Variants in UGP2 observed in about 807,000 individuals in gnomAD.
The protein encoded by UGP2 is UTP--glucose-1-phosphate uridylyltransferase.
UGP2 carries 40 observed loss-of-function variants against 49.0 expected under a neutral mutation model. The ratio of observed to expected loss-of-function variants is 0.82; its 90% CI spans 0.63 to 1.06. UGP2 has a LOEUF of 1.06. UGP2 is among the 50% of genes least tolerant of loss of function. UGP2 has a pLI of 0.00. For missense variants in UGP2, 460 were observed against 603.5 expected (o/e 0.76, Z 2.49); for synonymous variants, 225 against 213.0 (o/e 1.06, Z -0.49).
At chr2:63,846,173 A>T (rs1671918713) in intron 1 of UGP2, 1 of 152,116 alleles carries the variant, frequency 6.6e-6, no homozygotes, top group African/African-American at 2.4e-5. Context: ...TTCTAAATGG[A>T]TGTGAGTACC....
intron 1 of UGP2, among the ~76,000 whole-genome samples, chr2:63,853,157 G>A (rs1052115330): frequency 6.6e-6 from 1 of 151,984 alleles, no homozygotes; most frequent in Admixed American, 6.6e-5. Context: ...TGGTCAGAGA[G>A]GTAAGAAAAG....
intron 1 of UGP2, chr2:63,855,636 G>T (rs1055866044): frequency 4.6e-6 from 2 of 430,636 alleles, no homozygotes; most frequent in Admixed American, 5.1e-5. Flanking sequence ...CTGCCTCCTC[G>T]GCTCAAGGTA....
chr2:63,861,897 T>C (rs1307394727), intron 3 of UGP2, among the ~76,000 whole-genome samples: 1 of 152,086 alleles, frequency 6.6e-6, no homozygotes, highest in Non-Finnish European at 1.5e-5. Flanking sequence ...TTTCTTAGTC[T>C]ATCAATACAA....
Position 63,861,714 on chromosome 2 carries a change from A to G in UGP2, c.255+3778A>G, listed in dbSNP as rs1050297784. Reference sequence around the variant, plus strand: ...AAAAAAAAAAAAAAACAAAAAAACGACTTTTTCATTTCAATATTTAATAGG... The same window carrying G: ...AAAAAAAAAAAAAAACAAAAAAACGGCTTTTTCATTTCAATATTTAATAGG... On this transcript the variant is annotated intron_variant, in intron 3 of 9. Coordinates refer to ENST00000337130, the MANE Select transcript of UGP2 (RefSeq NM_006759.4). 2.3e-4 allele frequency among the ~76,000 whole-genome samples: 35 copies of G among 150,742 alleles called. 1 individual carries two copies. Among genetic ancestry groups the G allele is most frequent in the Admixed American group, 2.0e-3 (31 of 15,132 alleles).
intron 7 of UGP2, among the ~76,000 whole-genome samples, chr2:63,886,967 T>A (rs1671719910): frequency 6.6e-6 from 1 of 152,192 alleles, no homozygotes; most frequent in African/African-American, 2.4e-5. Flanking sequence ...TTGATAAATG[T>A]CAGTTCTCAA....
intron 3 of UGP2, among the ~76,000 whole-genome samples, chr2:63,869,588 T>C (rs1247846192): frequency 6.6e-6 from 1 of 152,214 alleles, no homozygotes; most frequent in African/African-American, 2.4e-5. Context: ...AAATTTAGGC[T>C]GAAAATGAGT....
At chr2:63,880,183 C>A (rs956589835) in intron 3 of UGP2, among the ~76,000 whole-genome samples, 8 of 148,684 alleles carry the variant, frequency 5.4e-5, no homozygotes, top group African/African-American at 1.7e-4. Context: ...ACCCCTCCCC[C>A]CTCCTCCCTC....
intron 1 of UGP2, among the ~76,000 whole-genome samples, chr2:63,848,331 A>G (rs965068853): frequency 5.9e-5 from 9 of 152,206 alleles, no homozygotes; most frequent in Admixed American, 3.3e-4. Context: ...CCCAGGCACA[A>G]TGACTATTAA....
At chr2:63,865,896 G>A (rs1670155758) in intron 3 of UGP2, among the ~76,000 whole-genome samples, 1 of 152,098 alleles carries the variant, frequency 6.6e-6, no homozygotes, top group African/African-American at 2.4e-5. Flanking sequence ...GCTTACCGAA[G>A]TCAGTTGTGC....
rs767484353 is a variant in UGP2, at chr2:63,857,324, GC to G, written c.148-503del. Among the ~76,000 whole-genome samples, 51 of 151,520 alleles carry G rather than the reference GC, an allele frequency of 3.4e-4. No individual in the cohort carries two copies. In the East Asian group the frequency reaches 9.3e-3, roughly 28 times the overall value. On this transcript the variant is annotated intron_variant, in intron 2 of 9. Transcript: ENST00000337130. ...TCAAAAAAAAAAAAAAAAGTACAGA[GC>G]CAGTTGGAATTCCCATTAAACAAAT...
At chr2:63,869,247 T>G (rs755376883) in intron 3 of UGP2, among the ~76,000 whole-genome samples, 2 of 152,170 alleles carry the variant, frequency 1.3e-5, no homozygotes, top group Non-Finnish European at 2.9e-5. Context: ...AGAGAAGGCG[T>G]CTCTAAGTTG....
chr2:63,885,106 C>CT (rs1307646145), intron 5 of UGP2, among the ~76,000 whole-genome samples: 1 of 147,116 alleles, frequency 6.8e-6, no homozygotes, highest in Non-Finnish European at 1.5e-5. Context: ...CCATCACCAG[C>CT]TTTACCTTTC....
intron 1 of UGP2, among the ~76,000 whole-genome samples, chr2:63,854,484 T>C (rs927383369): frequency 6.6e-6 from 1 of 152,244 alleles, no homozygotes; most frequent in African/African-American, 2.4e-5. Context: ...CTACTTTTCC[T>C]ACCAGAAATT....
chr2:63,883,889 A>G, intron 4 of UGP2, 71 bp from the exon 5 acceptor site: 1 of 1,524,008 alleles, frequency 6.6e-7, no homozygotes, highest in South Asian at 1.3e-5. Flanking sequence ...TTAACCATTA[A>G]GAACTAATTT....
At chr2:63,862,907 G>T (rs1669947505) in intron 3 of UGP2, 6 of 454,802 alleles carry the variant, frequency 1.3e-5, no homozygotes, top group Admixed American at 2.4e-5. Context: ...GACTTTACTG[G>T]AACAGATTGT....
chr2:63,849,430 ACATAGTTATATCCACTGTTTTGGGTT>A (rs1365741515), intron 1 of UGP2, among the ~76,000 whole-genome samples: 2 of 152,230 alleles, frequency 1.3e-5, no homozygotes, highest in African/African-American at 4.8e-5. Flanking sequence ...AAACAGAACA[ACATAGTTATATCCACTGTTTTGGGTT>A]CATTTGTGCT....
intron 1 of UGP2, among the ~76,000 whole-genome samples, chr2:63,844,083 G>T (rs1367045175): frequency 6.6e-6 from 1 of 152,168 alleles, no homozygotes; most frequent in Non-Finnish European, 1.5e-5. Context: ...ACTTTAAATG[G>T]TAGTTTTCCT....
intron 3 of UGP2, among the ~76,000 whole-genome samples, chr2:63,859,040 G>A (rs1183938055): frequency 6.7e-6 from 1 of 150,024 alleles, no homozygotes; most frequent in African/African-American, 2.5e-5. Flanking sequence ...TGTCACCCAA[G>A]CTGGAGTACA....
At position 63,842,090 on chromosome 2, in the gene UGP2, G is replaced by C; in HGVS notation, c.-96G>C. The stretch of plus-strand genomic sequence containing the variant: ...AATATAGGAGGAGAAAGAATACATC[G>C]GTTGTTAAAGCAGGAGAGGAAGAGA... On this transcript the variant is annotated 5_prime_UTR_variant, in exon 1 of 10. Coordinates refer to ENST00000337130, the MANE Select transcript of UGP2 (RefSeq NM_006759.4). The C allele has an allele frequency of 7.0e-7, 1 of 1,428,094 alleles. No homozygotes were observed. Among genetic ancestry groups the C allele is most frequent in the Non-Finnish European group, 9.4e-7 (1 of 1,062,586 alleles). 88.5% of individuals were successfully genotyped at this position (1,428,094 alleles called of 1,614,324 possible).
Sources: allele counts gnomAD v4.1 joint callset (sites outside exome capture counted in the v4.1 genomes callset), GRCh38; gene constraint gnomAD v4.1.1; transcripts MANE v1.5; gene names NCBI Gene and HGNC (gene_info 2026-07-23, HGNC 2026-07-21).